The following SORCS2 variants were observed in gnomAD, a reference collection of about 807,000 sequenced individuals.
SORCS2 encodes VPS10 domain-containing receptor SorCS2.
In SORCS2, 100 loss-of-function variants were observed where a neutral mutation model predicts 141.6. That is an observed-to-expected ratio of 0.71 (90% CI 0.60 to 0.83). The LOEUF (loss-of-function observed/expected upper bound fraction) is 0.83, where lower values mean the gene tolerates loss of function less well. Ranked by LOEUF, SORCS2 falls within the 40% of genes least tolerant of loss-of-function variation. The probability of loss-of-function intolerance (pLI) is 0.00; values close to 1 mark genes in which losing one functional copy is unlikely to be tolerated. For missense variants in SORCS2, 1,646 were observed against 1,560.2 expected, an observed-to-expected ratio of 1.05 and a Z score of -0.93; for synonymous variants, 789 against 676.9, an observed-to-expected ratio of 1.17 and a Z score of -2.57.
intron 1 of SORCS2, among the ~76,000 whole-genome samples, chr4:7,226,171 AG>A (rs542038427): frequency 4.6e-5 from 7 of 152,090 alleles, no homozygotes; most frequent in Non-Finnish European, 1.0e-4. Context: ...GCCACCACTG[AG>A]GGAGTGTCTA....
At chr4:7,633,231 C>T (rs1464358252) in intron 3 of SORCS2, among the ~76,000 whole-genome samples, 1 of 152,152 alleles carries the variant, frequency 6.6e-6, no homozygotes, top group Non-Finnish European at 1.5e-5. Context: ...TGTCAGGATG[C>T]AAACATCCTC....
chr4:7,633,593 C>A (rs1183902493), intron 3 of SORCS2, among the ~76,000 whole-genome samples: 1 of 130,922 alleles, frequency 7.6e-6, no homozygotes, highest in Non-Finnish European at 1.6e-5. Flanking sequence ...ATGAATGAGC[C>A]TTCATTCATG....
At chr4:7,630,723 A>T (rs1041241331) in intron 3 of SORCS2, among the ~76,000 whole-genome samples, 1 of 152,180 alleles carries the variant, frequency 6.6e-6, no homozygotes, top group Non-Finnish European at 1.5e-5. Context: ...CTCTGGGAAG[A>T]TTCTAATTTC....
chr4:7,577,644 T>A (rs1715846583), intron 3 of SORCS2, among the ~76,000 whole-genome samples: 1 of 147,902 alleles, frequency 6.8e-6, no homozygotes, highest in Non-Finnish European at 1.5e-5. Flanking sequence ...AGTCAGCTAG[T>A]GCCATGGTTT....
intron 2 of SORCS2, among the ~76,000 whole-genome samples, chr4:7,457,513 G>T (rs1365506183): frequency 1.3e-5 from 2 of 152,154 alleles, no homozygotes; most frequent in Non-Finnish European, 2.9e-5. Flanking sequence ...CAGCCAGAGG[G>T]CCTGGTTCAC....
chr4:7,565,463 G>C (rs1714904156), intron 3 of SORCS2, among the ~76,000 whole-genome samples: 1 of 152,100 alleles, frequency 6.6e-6, no homozygotes, highest in Admixed American at 6.5e-5. Flanking sequence ...CTATAATAAT[G>C]ATGATGAAAA....
chr4:7,527,185 A>G (rs1057367236), intron 2 of SORCS2, among the ~76,000 whole-genome samples: 3 of 152,128 alleles, frequency 2.0e-5, no homozygotes, highest in African/African-American at 4.8e-5. Flanking sequence ...GCTCCTACAC[A>G]TACCTCGGAC....
chr4:7,199,943 G>A lies in SORCS2; in HGVS notation c.480+6817G>A, dbSNP rs535090574. On this transcript the variant is annotated intron_variant, in intron 1 of 26. Transcript: ENST00000507866. ...AGGGACCGACACTCCCGGGGAATGCGAGCAGGAGGGGTTATGGGATAGAAA... is the reference window on the plus strand; with the variant it reads ...AGGGACCGACACTCCCGGGGAATGCAAGCAGGAGGGGTTATGGGATAGAAA... Among the ~76,000 whole-genome samples the A allele has an allele frequency of 1.9e-4, 29 of 152,182 alleles. No individual in the cohort carries two copies. The South Asian group carries it at 5.8e-3, about 30-fold the overall frequency.
intron 2 of SORCS2, among the ~76,000 whole-genome samples, chr4:7,488,291 C>T (rs1731115495): frequency 6.6e-6 from 1 of 152,224 alleles, no homozygotes; most frequent in Admixed American, 6.5e-5. Context: ...CAATGAGGTT[C>T]AGAAAGCGGC....
intron 1 of SORCS2, among the ~76,000 whole-genome samples, chr4:7,389,129 C>T (rs543302806): frequency 6.6e-6 from 1 of 152,314 alleles, no homozygotes; most frequent in East Asian, 1.9e-4. Context: ...TGAACAAATT[C>T]TGTTCCTGCC....
At chr4:7,514,437 A>G (rs1732850365) in intron 2 of SORCS2, among the ~76,000 whole-genome samples, 1 of 151,990 alleles carries the variant, frequency 6.6e-6, no homozygotes, top group African/African-American at 2.4e-5. Flanking sequence ...AGGGGCAGAC[A>G]GATAATAGCA....
intron 12 of SORCS2, among the ~76,000 whole-genome samples, chr4:7,700,314 A>G (rs73204710): frequency 0.1 from 15,736 of 152,276 alleles, 927 homozygotes; most frequent in Middle Eastern, 0.16. Flanking sequence ...GCTCGAGGGT[A>G]AAGATGACAG....
intron 3 of SORCS2, among the ~76,000 whole-genome samples, chr4:7,559,824 C>G (rs1169851944): frequency 1.3e-5 from 2 of 152,234 alleles, no homozygotes; most frequent in African/African-American, 4.8e-5. Flanking sequence ...GCACAGGTGC[C>G]CACTGACCAC....
chr4:7,434,209 C>G, intron 2 of SORCS2: 1 of 1,613,748 alleles, frequency 6.2e-7, no homozygotes, highest in Non-Finnish European at 8.5e-7. Context: ...GTAGTTCTTG[C>G]AGAGGACGGC....
intron 2 of SORCS2, among the ~76,000 whole-genome samples, chr4:7,397,108 C>G (rs1035989458): frequency 1.3e-5 from 2 of 152,200 alleles, no homozygotes; most frequent in Non-Finnish European, 2.9e-5. Context: ...ATATGTTTCT[C>G]AAGTAATAAT....
intron 2 of SORCS2, among the ~76,000 whole-genome samples, chr4:7,468,579 C>G (rs1315709438): frequency 6.6e-6 from 1 of 152,242 alleles, no homozygotes; most frequent in African/African-American, 2.4e-5. Context: ...TTGAATGCAT[C>G]AACGCGTAGA....
At chr4:7,308,777 C>T (rs1019593936) in intron 1 of SORCS2, among the ~76,000 whole-genome samples, 4 of 151,618 alleles carry the variant, frequency 2.6e-5, no homozygotes, top group Non-Finnish European at 5.9e-5. Context: ...GCACCCTGTC[C>T]TCTCTCTCTA....
intron 2 of SORCS2, among the ~76,000 whole-genome samples, chr4:7,501,004 C>T (rs1397211071): frequency 1.3e-5 from 2 of 152,242 alleles, no homozygotes; most frequent in Non-Finnish European, 2.9e-5. Flanking sequence ...ACCCCACGTG[C>T]CCTCTGAGCC....
intron 3 of SORCS2, among the ~76,000 whole-genome samples, chr4:7,543,784 T>TCATC (rs771822077): frequency 0.17 from 2,352 of 13,542 alleles, 379 homozygotes; most frequent in African/African-American, 0.36. Context: ...ATCCATCCAC[T>TCATC]CATCCATCCA....
Sources: allele counts gnomAD v4.1 joint callset (sites outside exome capture counted in the v4.1 genomes callset), GRCh38; gene constraint gnomAD v4.1.1; transcripts MANE v1.5; gene names NCBI Gene and HGNC (gene_info 2026-07-23, HGNC 2026-07-21).